Variants in SLC25A21 observed in about 807,000 individuals in gnomAD.
SLC25A21 encodes the protein mitochondrial 2-oxodicarboxylate carrier.
A neutral mutation model predicts 43.8 loss-of-function variants in SLC25A21; 47 were observed. That is an observed-to-expected ratio of 1.07 (90% CI 0.85 to 1.37). The LOEUF (loss-of-function observed/expected upper bound fraction) is 1.37. Ranked by LOEUF, SLC25A21 falls within the 40% of genes most tolerant of loss-of-function variation. The pLI is 0.00. For synonymous variants in SLC25A21, 131 were observed against 121.3 expected (o/e 1.08, Z -0.52); for missense variants, 352 against 350.2 (o/e 1.00, Z -0.04).
rs555738526 is a variant in SLC25A21, at chr14:36,904,199, G to A, written c.71-29195C>T. Among the ~76,000 whole-genome samples the A allele has an allele frequency of 1.2e-3, 186 of 152,296 alleles. 2 individuals are homozygous for A. Among genetic ancestry groups the A allele is most frequent in the Non-Finnish European group, 3.8e-4 (26 of 68,026 alleles). On this transcript the variant is annotated intron_variant, in intron 1 of 9. Transcript: ENST00000331299. ...TTAGCCAATGGGAAATCCCGACCCA[G>A]ATTCAAAAATTGACCACGCGTAAGT...
chr14:37,165,236 G>A (rs1362656684), intron 1 of SLC25A21, among the ~76,000 whole-genome samples: 1 of 152,146 alleles, frequency 6.6e-6, no homozygotes, highest in African/African-American at 2.4e-5. Context: ...AATTAGCCAG[G>A]CATGGTGGTG....
At chr14:36,694,138 C>T (rs1479840317) in intron 7 of SLC25A21, among the ~76,000 whole-genome samples, 1 of 152,042 alleles carries the variant, frequency 6.6e-6, no homozygotes, top group Non-Finnish European at 1.5e-5. Context: ...GTTCAATTCC[C>T]ACCTGTGAGT....
chr14:37,142,005 A>G (rs1963580171), intron 1 of SLC25A21, among the ~76,000 whole-genome samples: 1 of 152,084 alleles, frequency 6.6e-6, no homozygotes, highest in Admixed American at 6.5e-5. Flanking sequence ...TTTTCATGTT[A>G]CCCAAGTGAT....
intron 1 of SLC25A21, among the ~76,000 whole-genome samples, chr14:36,946,096 GA>G (rs1158806020): frequency 6.6e-6 from 1 of 152,158 alleles, no homozygotes; most frequent in African/African-American, 2.4e-5. Flanking sequence ...GATGTAAGTA[GA>G]AACATTTTAG....
chr14:36,727,537 A>G (rs568048996), intron 5 of SLC25A21, among the ~76,000 whole-genome samples: 7 of 152,208 alleles, frequency 4.6e-5, no homozygotes, highest in African/African-American at 1.4e-4. Context: ...AAAATACAAA[A>G]ATTAGTTGGG....
At chr14:37,038,153 T>C (rs1199621208) in intron 1 of SLC25A21, among the ~76,000 whole-genome samples, 1 of 152,184 alleles carries the variant, frequency 6.6e-6, no homozygotes, top group Admixed American at 6.5e-5. Context: ...ATTGCTTTCC[T>C]GGCTGCCATG....
chr14:36,836,366 T>C (rs1038487609), intron 2 of SLC25A21, among the ~76,000 whole-genome samples: 25 of 152,354 alleles, frequency 1.6e-4, no homozygotes, highest in Non-Finnish European at 2.2e-4. Context: ...TCTTATGATA[T>C]ATTAGTGCAC....
chr14:36,743,227 T>C (rs531689938), intron 3 of SLC25A21, among the ~76,000 whole-genome samples: 1 of 152,220 alleles, frequency 6.6e-6, no homozygotes, highest in Admixed American at 6.5e-5. Flanking sequence ...AAGAGGTGAA[T>C]AGTATTGGTA....
At position 36,738,545 on chromosome 14, in the gene SLC25A21, C is replaced by T. The variant is rs117934950; in HGVS notation, c.204-3972G>A. The stretch of plus-strand genomic sequence containing the variant: ...GATGAATGGATCGTGGGATTCTAAA[C>T]GTTTATGTACAGTGAAGGCATTCTT... On this transcript the variant is annotated intron_variant, in intron 3 of 9. Coordinates refer to ENST00000331299, the MANE Select transcript of SLC25A21 (RefSeq NM_030631.4). Among the ~76,000 whole-genome samples the T allele has an allele frequency of 5.4e-3, 827 of 152,258 alleles. 2 individuals carry two copies. Among genetic ancestry groups the T allele is most frequent in the Non-Finnish European group, 8.3e-3 (566 of 68,012 alleles).
intron 2 of SLC25A21, among the ~76,000 whole-genome samples, chr14:36,835,092 G>A (rs1353733704): frequency 2.6e-5 from 4 of 152,148 alleles, no homozygotes; most frequent in Admixed American, 6.5e-5. Flanking sequence ...GAAAGAGTCA[G>A]GGATTATAAA....
chr14:36,994,693 T>A (rs1311079419), intron 1 of SLC25A21, among the ~76,000 whole-genome samples: 1 of 152,114 alleles, frequency 6.6e-6, no homozygotes, highest in South Asian at 2.1e-4. Flanking sequence ...TGCCCTTAAC[T>A]GACCCTAAGC....
intron 1 of SLC25A21, among the ~76,000 whole-genome samples, chr14:37,086,046 A>C (rs773132563): frequency 3.9e-5 from 6 of 152,148 alleles, no homozygotes; most frequent in Non-Finnish European, 7.4e-5. Context: ...CGGAGCTTGC[A>C]GTGAGCTGAG....
intron 1 of SLC25A21, among the ~76,000 whole-genome samples, chr14:37,060,699 C>A (rs1961929732): frequency 6.6e-6 from 1 of 152,056 alleles, no homozygotes; most frequent in African/African-American, 2.4e-5. Context: ...CCCATCTTTG[C>A]AACCTCGGAA....
chr14:37,129,635 T>C (rs1055218216), intron 1 of SLC25A21, among the ~76,000 whole-genome samples: 5 of 151,692 alleles, frequency 3.3e-5, no homozygotes, highest in Non-Finnish European at 7.4e-5. Flanking sequence ...ATATATTGTG[T>C]TAAAACATTG....
chr14:37,006,586 C>A (rs1960609240), intron 1 of SLC25A21, among the ~76,000 whole-genome samples: 1 of 151,918 alleles, frequency 6.6e-6, no homozygotes, highest in Non-Finnish European at 1.5e-5. Context: ...AAAGGAGGGG[C>A]CTTAAAAATT....
intron 3 of SLC25A21, among the ~76,000 whole-genome samples, chr14:36,783,520 G>C (rs529469205): frequency 2.0e-5 from 3 of 152,218 alleles, no homozygotes; most frequent in East Asian, 3.9e-4. Flanking sequence ...GAAAGAGGTT[G>C]GCCTCCTTGG....
chr14:36,871,358 A>AGAC (rs1156768430), intron 2 of SLC25A21, among the ~76,000 whole-genome samples: 1 of 152,200 alleles, frequency 6.6e-6, no homozygotes, highest in Non-Finnish European at 1.5e-5. Flanking sequence ...CCTTGAGCTT[A>AGAC]GACATCTCAG....
chr14:36,763,873 A>G (rs1308224517), intron 3 of SLC25A21, among the ~76,000 whole-genome samples: 2 of 151,098 alleles, frequency 1.3e-5, no homozygotes. Context: ...TACTAAAAAT[A>G]CAAAAATTAG....
At chr14:37,107,301 C>A (rs1410416501) in intron 1 of SLC25A21, among the ~76,000 whole-genome samples, 1 of 152,126 alleles carries the variant, frequency 6.6e-6, no homozygotes, top group Admixed American at 6.6e-5. Flanking sequence ...CCTCATTCTC[C>A]TGAGTAGCTA....
Sources: allele counts gnomAD v4.1 joint callset (sites outside exome capture counted in the v4.1 genomes callset), GRCh38; gene constraint gnomAD v4.1.1; transcripts MANE v1.5; gene names NCBI Gene and HGNC (gene_info 2026-07-23, HGNC 2026-07-21).